Variants in RIMS2 observed in about 807,000 individuals in gnomAD.
RIMS2 encodes regulating synaptic membrane exocytosis 2.
RIMS2 carries 59 observed loss-of-function variants against 174.4 expected under a neutral mutation model. The observed-to-expected ratio is 0.34, with a 90% CI of 0.27 to 0.42. The LOEUF is 0.42. Among genes scored for constraint, RIMS2 ranks in the 10% least tolerant of loss-of-function variants. The probability of loss-of-function intolerance (pLI) is 1.00; values close to 1 mark genes in which losing one functional copy is unlikely to be tolerated. For missense variants in RIMS2, 1,620 were observed against 1,666.3 expected, an observed-to-expected ratio of 0.97 and a Z score of 0.48; for synonymous variants, 606 against 572.5, an observed-to-expected ratio of 1.06 and a Z score of -0.84.
chr8:103,931,173 T>C (rs931896851), intron 11 of RIMS2, 90 bp from the exon 14 acceptor site: 1 of 942,772 alleles, frequency 1.1e-6, no homozygotes, highest in Non-Finnish European at 1.6e-6. Context: ...CTAATGTTAT[T>C]GTAAGAGAAT....
chr8:103,781,470 A>T (rs974772992), intron 3 of RIMS2, among the ~76,000 whole-genome samples: 1 of 152,130 alleles, frequency 6.6e-6, no homozygotes, highest in African/African-American at 2.4e-5. Context: ...AGTTAAAATT[A>T]TTTTTTCATC....
At chr8:103,552,395 T>C (rs185310948) in intron 1 of RIMS2, among the ~76,000 whole-genome samples, 23 of 152,322 alleles carry the variant, frequency 1.5e-4, no homozygotes, top group African/African-American at 4.8e-4. Context: ...TGGCTAGCCA[T>C]ATGTAGAAAG....
chr8:103,838,394 T>C (rs565369632), intron 3 of RIMS2, among the ~76,000 whole-genome samples: 5 of 152,316 alleles, frequency 3.3e-5, no homozygotes, highest in Admixed American at 2.0e-4. Context: ...TACAGCTGTT[T>C]TCTTGAGGTA....
At chr8:103,898,206 A>G (rs2099302061) in intron 4 of RIMS2, among the ~76,000 whole-genome samples, 1 of 151,578 alleles carries the variant, frequency 6.6e-6, no homozygotes, top group Non-Finnish European at 1.5e-5. Context: ...CTTCAAATAT[A>G]ATTACTACTT....
chr8:104,121,579 T>A (rs1437718049), intron 19 of RIMS2, among the ~76,000 whole-genome samples: 1 of 152,172 alleles, frequency 6.6e-6, no homozygotes, highest in African/African-American at 2.4e-5. Context: ...ACAAAGTATG[T>A]GTAAATAGGT....
intron 19 of RIMS2, among the ~76,000 whole-genome samples, chr8:104,072,291 C>CT (rs1263503942): frequency 6.6e-6 from 1 of 151,954 alleles, no homozygotes; most frequent in Non-Finnish European, 1.5e-5. Context: ...TCATTTCTCT[C>CT]TTTTTTGATG....
intron 3 of RIMS2, among the ~76,000 whole-genome samples, chr8:103,792,242 A>C (rs557429502): frequency 6.6e-6 from 1 of 152,328 alleles, no homozygotes; most frequent in Non-Finnish European, 1.5e-5. Context: ...CAGTGCAATC[A>C]AATTAGGACT....
intron 19 of RIMS2, among the ~76,000 whole-genome samples, chr8:104,212,141 G>C (rs567475842): frequency 6.6e-6 from 1 of 152,326 alleles, no homozygotes; most frequent in South Asian, 2.1e-4. Flanking sequence ...AGTTATTCTA[G>C]TGGTAATGTC....
At chr8:104,111,056 G>T (rs1045968863) in intron 19 of RIMS2, among the ~76,000 whole-genome samples, 2 of 151,990 alleles carry the variant, frequency 1.3e-5, no homozygotes, top group Admixed American at 1.3e-4. Flanking sequence ...AAAATATGGG[G>T]TTGTCTAGAA....
At chr8:103,726,330 C>T (rs555037428) in intron 2 of RIMS2, among the ~76,000 whole-genome samples, 4 of 152,128 alleles carry the variant, frequency 2.6e-5, no homozygotes, top group African/African-American at 4.8e-5. Context: ...TCTCTGTCTG[C>T]GGCTTGGCTT....
At chr8:104,086,113 AG>A (rs1292729188) in intron 19 of RIMS2, among the ~76,000 whole-genome samples, 1 of 152,122 alleles carries the variant, frequency 6.6e-6, no homozygotes, top group Non-Finnish European at 1.5e-5. Context: ...GAGATTAAAA[AG>A]TAACACTCAG....
intron 1 of RIMS2, among the ~76,000 whole-genome samples, chr8:103,660,170 T>C (rs1324502672): frequency 2.0e-5 from 3 of 151,654 alleles, no homozygotes; most frequent in African/African-American, 7.3e-5. Context: ...TGAGCCTGAG[T>C]AGACTCTGCC....
intron 19 of RIMS2, among the ~76,000 whole-genome samples, chr8:104,100,796 T>TTA (rs978045939): frequency 1.1e-4 from 15 of 142,848 alleles, no homozygotes; most frequent in Admixed American, 5.9e-4. Context: ...CAATTTCCTG[T>TTA]TATATATATA....
chr8:104,128,092 A>T (rs2098446222), intron 19 of RIMS2, among the ~76,000 whole-genome samples: 1 of 152,198 alleles, frequency 6.6e-6, no homozygotes. Flanking sequence ...GTTTCTTCTG[A>T]GGCAATTTGA....
chr8:103,885,530 G>C (rs755631676), exon 4 of RIMS2: 15 of 1,612,056 alleles, frequency 9.3e-6, no homozygotes, highest in Middle Eastern at 1.7e-4. Flanking sequence ...TATTGTAGAT[G>C]ATGAGGATGT....
At chr8:103,613,018 G>A (rs1389614099) in intron 1 of RIMS2, among the ~76,000 whole-genome samples, 6 of 152,172 alleles carry the variant, frequency 3.9e-5, no homozygotes, top group Admixed American at 3.9e-4. Flanking sequence ...AGCCAACAGA[G>A]CATTGGGTCT....
intron 19 of RIMS2, among the ~76,000 whole-genome samples, chr8:104,243,732 A>G (rs903855092): frequency 6.6e-6 from 1 of 152,190 alleles, no homozygotes; most frequent in Non-Finnish European, 1.5e-5. Flanking sequence ...AGCTAACCGT[A>G]TGGTTGTATC....
At chr8:104,160,545 G>T (rs75832062) in intron 19 of RIMS2, among the ~76,000 whole-genome samples, 3,366 of 152,164 alleles carry the variant, frequency 0.022, 57 homozygotes, top group Middle Eastern at 0.14. Flanking sequence ...CTTTTGTTAA[G>T]GAATATTTAT....
intron 1 of RIMS2, among the ~76,000 whole-genome samples, chr8:103,593,841 A>C (rs948344141): frequency 7.9e-5 from 12 of 151,486 alleles, no homozygotes; most frequent in East Asian, 5.8e-4. Flanking sequence ...TAAATAGAAA[A>C]TTTAATTTCT....
Sources: allele counts gnomAD v4.1 joint callset (sites outside exome capture counted in the v4.1 genomes callset), GRCh38; gene constraint gnomAD v4.1.1; transcripts MANE v1.5; gene names NCBI Gene and HGNC (gene_info 2026-07-23, HGNC 2026-07-21).